The following ADARB2 variants were observed in gnomAD, a reference collection of about 807,000 sequenced individuals.
ADARB2 encodes adenosine deaminase RNA specific B2 (inactive), also known as inactive double-stranded RNA-specific editase B2.
In ADARB2, 25 loss-of-function variants were observed where a neutral mutation model predicts 62.2. The ratio of observed to expected loss-of-function variants is 0.40; its 90% CI spans 0.29 to 0.56. The LOEUF is 0.56. Among genes scored for constraint, ADARB2 ranks in the 20% least tolerant of loss-of-function variants. The pLI, the probability that ADARB2 is intolerant of heterozygous loss-of-function variation, is 0.43. For missense variants in ADARB2, 1,071 were observed against 1,077.4 expected, an observed-to-expected ratio of 0.99 and a Z score of 0.08; for synonymous variants, 572 against 500.8, an observed-to-expected ratio of 1.14 and a Z score of -1.90.
intron 1 of ADARB2, among the ~76,000 whole-genome samples, chr10:1,576,245 G>A (rs962889220): frequency 8.0e-5 from 12 of 150,404 alleles, no homozygotes; most frequent in African/African-American, 2.5e-4. Context: ...CACAGGAGGT[G>A]GCTTAGGGTC....
Position 1,737,072 on chromosome 10 carries a change from T to C in ADARB2, c.79A>G (p.Arg27Gly). 6.2e-7 allele frequency: 1 copy of C among 1,611,516 alleles called. No individual in the cohort carries two copies. The highest frequency in any genetic ancestry group is 1.1e-5 in the South Asian group (1 of 91,062). ...TTACCTTTCCGCTTGGACCTCCGCC[T>C]CCTCCTCCTCTTGGACTTGCATTTG... ...QLKCKSKRRR[R>G]RRSKRKDKVS... Residue 27 changes from arginine (R) to glycine (G), a missense_variant, in exon 1 of 10, where the codon AGG becomes GGG. Arg to Gly is a moderately radical substitution (Grantham distance 125, BLOSUM62 -2). Coordinates refer to ENST00000381312, the MANE Select transcript of ADARB2 (RefSeq NM_018702.4).
At chr10:1,258,747 T>G (rs1024169253) in intron 4 of ADARB2, among the ~76,000 whole-genome samples, 5 of 151,860 alleles carry the variant, frequency 3.3e-5, no homozygotes, top group South Asian at 2.1e-4. Flanking sequence ...CAACGAGACA[T>G]AAAGTTAACA....
chr10:1,473,635 G>T (rs1224787680), intron 1 of ADARB2, among the ~76,000 whole-genome samples: 1 of 152,116 alleles, frequency 6.6e-6, no homozygotes, highest in Non-Finnish European at 1.5e-5. Flanking sequence ...ACCTGCCTTG[G>T]CCTCCCAAAG....
chr10:1,630,033 T>A (rs1473081619), intron 1 of ADARB2, among the ~76,000 whole-genome samples: 1 of 152,178 alleles, frequency 6.6e-6, no homozygotes, highest in Non-Finnish European at 1.5e-5. Flanking sequence ...ACTTGGCACT[T>A]CATGGCCACC....
chr10:1,501,361 G>A (rs1051375200), intron 1 of ADARB2, among the ~76,000 whole-genome samples: 2 of 152,156 alleles, frequency 1.3e-5, no homozygotes, highest in African/African-American at 4.8e-5. Context: ...AACTTTCTCC[G>A]ATTTCTCAAA....
At chr10:1,517,379 T>A (rs1049239569) in intron 1 of ADARB2, among the ~76,000 whole-genome samples, 5 of 152,160 alleles carry the variant, frequency 3.3e-5, no homozygotes, top group African/African-American at 1.2e-4. Flanking sequence ...TGCTGTAATC[T>A]TCTCTGGGGT....
chr10:1,261,783 C>T (rs1831139663), intron 4 of ADARB2, among the ~76,000 whole-genome samples: 1 of 150,236 alleles, frequency 6.7e-6, no homozygotes, highest in African/African-American at 2.5e-5. Context: ...CCAGCCATTC[C>T]ATTACTGGGT....
chr10:1,379,321 A>G (rs10794748), intron 1 of ADARB2, among the ~76,000 whole-genome samples, 161 bp from the exon 2 acceptor site: 79,433 of 151,972 alleles, frequency 0.52, 22,079 homozygotes, highest in East Asian at 0.67. Flanking sequence ...AATATCTGAC[A>G]GCATTTTATC....
At chr10:1,589,408 C>T (rs1362733297) in intron 1 of ADARB2, among the ~76,000 whole-genome samples, 5 of 151,686 alleles carry the variant, frequency 3.3e-5, no homozygotes, top group African/African-American at 7.3e-5. Flanking sequence ...CACGGAGGGG[C>T]GTCTGCGGTC....
chr10:1,305,207 T>A (rs1236107610), intron 3 of ADARB2, among the ~76,000 whole-genome samples: 2 of 141,650 alleles, frequency 1.4e-5, no homozygotes, highest in Admixed American at 7.2e-5. Context: ...CAATAAAAAA[T>A]GATAAAGGGG....
intron 1 of ADARB2, among the ~76,000 whole-genome samples, chr10:1,558,985 T>G (rs970719964): frequency 4.6e-5 from 7 of 152,266 alleles, no homozygotes; most frequent in Admixed American, 1.3e-4. Context: ...CATGTACATC[T>G]GGTGTCTGTG....
intron 1 of ADARB2, among the ~76,000 whole-genome samples, chr10:1,635,647 C>A (rs779162404): frequency 1.3e-5 from 2 of 152,242 alleles, no homozygotes; most frequent in Non-Finnish European, 2.9e-5. Flanking sequence ...CCACTGTCTT[C>A]ATCTCCCTTC....
Position 1,183,004 on chromosome 10 carries a change from G to A in ADARB2, c.*189C>T, listed in dbSNP as rs1323423123. Reference sequence around the variant, plus strand: ...TGGGTGTGGGGGACAGGGTTCTGGGGCCAGCGATCTGGAAAGAGGCACGTT... The same window carrying A: ...TGGGTGTGGGGGACAGGGTTCTGGGACCAGCGATCTGGAAAGAGGCACGTT... On this transcript the variant is annotated 3_prime_UTR_variant, in exon 10 of 10. Coordinates refer to ENST00000381312, the MANE Select transcript of ADARB2 (RefSeq NM_018702.4). 9 of 661,028 alleles carry A rather than the reference G, an allele frequency of 1.4e-5. No individual in the cohort carries two copies. Among genetic ancestry groups the A allele is most frequent in the Non-Finnish European group, 2.0e-5 (8 of 395,304 alleles). 40.9% of individuals were successfully genotyped at this position (661,028 alleles called of 1,614,324 possible).
At chr10:1,442,401 T>C (rs938408393) in intron 1 of ADARB2, among the ~76,000 whole-genome samples, 1 of 152,232 alleles carries the variant, frequency 6.6e-6, no homozygotes, top group South Asian at 2.1e-4. Flanking sequence ...TGTTAGTATA[T>C]GTTAATGTTT....
chr10:1,510,170 T>TTCTTTCTTTTTC (rs10655123), intron 1 of ADARB2, among the ~76,000 whole-genome samples: 1 of 76,164 alleles, frequency 1.3e-5, no homozygotes, highest in African/African-American at 4.6e-5. Flanking sequence ...CTTTCTTTCT[T>TTCTTTCTTTTTC]TTTCTTTCTT....
chr10:1,464,571 A>AGC (rs1831225726), intron 1 of ADARB2, among the ~76,000 whole-genome samples: 4 of 70,014 alleles, frequency 5.7e-5, no homozygotes, highest in Admixed American at 1.3e-4. Context: ...CACAGCGGGC[A>AGC]GTGCACTGGA....
At chr10:1,651,739 G>A (rs903684592) in intron 1 of ADARB2, among the ~76,000 whole-genome samples, 18 of 152,194 alleles carry the variant, frequency 1.2e-4, no homozygotes, top group Non-Finnish European at 2.9e-5. Flanking sequence ...CGTGGTGGGC[G>A]TGACTCTCGG....
chr10:1,339,272 G>C (rs1347102832), intron 3 of ADARB2, among the ~76,000 whole-genome samples: 1 of 152,184 alleles, frequency 6.6e-6, no homozygotes, highest in Non-Finnish European at 1.5e-5. Context: ...CTGGCAACAT[G>C]GTGACCACGA....
chr10:1,226,924 A>G (rs944116604), intron 6 of ADARB2, among the ~76,000 whole-genome samples: 18 of 152,358 alleles, frequency 1.2e-4, no homozygotes, highest in African/African-American at 3.8e-4. Context: ...ACTCTCTTCA[A>G]AGCTGTCAGA....
Sources: gnomAD v4.1 joint callset for allele counts (sites outside exome capture counted in the v4.1 genomes callset) on GRCh38, gnomAD v4.1.1 for gene constraint, MANE v1.5 for transcripts, NCBI Gene and HGNC (gene_info 2026-07-23, HGNC 2026-07-21) for gene names.